The following TF variants were observed in gnomAD, a reference collection of about 807,000 sequenced individuals.
The protein encoded by TF is serotransferrin.
A neutral mutation model predicts 82.4 loss-of-function variants in TF; 55 were observed. The ratio of observed to expected loss-of-function variants is 0.67; its 90% confidence interval spans 0.54 to 0.84. TF has a LOEUF of 0.84. Among genes scored for constraint, TF ranks in the 40% least tolerant of loss-of-function variants. The pLI is 0.00. For missense variants in TF, 737 were observed against 868.4 expected (o/e 0.85, Z 1.90); for synonymous variants, 332 against 332.6 (o/e 1.00, Z 0.02).
chr3:133,737,282 A>T, the TF span, among the ~76,000 whole-genome samples: 1 of 152,226 alleles, frequency 6.6e-6, no homozygotes, highest in East Asian at 1.9e-4. Context: ...ACAAAGACAC[A>T]ATGTACCAGA....
At chr3:133,687,875 A>G in the TF span, among the ~76,000 whole-genome samples, 1 of 152,380 alleles carries the variant, frequency 6.6e-6, no homozygotes, top group African/African-American at 2.4e-5. Flanking sequence ...TATTGTGAAT[A>G]GTGCTGCTGT....
At chr3:133,686,096 G>T in the TF span, among the ~76,000 whole-genome samples, 2 of 152,180 alleles carry the variant, frequency 1.3e-5, no homozygotes, top group South Asian at 4.1e-4. Context: ...AAGAAATGGG[G>T]AAAGGATTCC....
rs1933638841 is a variant in TF, at chr3:133,750,744, GC to G, written c.216+2161del. Among the ~76,000 whole-genome samples, 12 of 152,110 alleles carry G rather than the reference GC, an allele frequency of 7.9e-5. No homozygotes were observed. In the South Asian group the frequency reaches 2.5e-3, roughly 32 times the overall value. On this transcript the variant is annotated intron_variant, in intron 2 of 16. Coordinates refer to ENST00000402696, the MANE Select transcript of TF (RefSeq NM_001063.4). The stretch of plus-strand genomic sequence containing the variant: ...CACTCTCCCAACCCCACTGCAATGG[GC>G]AAAGCTCTCGTTTGTTTGCTTCATT...
the TF span, among the ~76,000 whole-genome samples, chr3:133,722,557 G>A: frequency 2.0e-5 from 3 of 151,266 alleles, no homozygotes; most frequent in Non-Finnish European, 1.5e-5. Context: ...TCTTATTTTT[G>A]TATCTGCTGT....
At chr3:133,754,757 C>T in intron 4 of TF, 86 bp downstream of exon 4, 2 of 1,441,734 alleles carry the variant, frequency 1.4e-6, no homozygotes, top group Non-Finnish European at 2.0e-6. Context: ...TCACCATCAG[C>T]AGACATGTGG....
chr3:133,690,252 A>G, the TF span, among the ~76,000 whole-genome samples: 1 of 152,212 alleles, frequency 6.6e-6, no homozygotes, highest in Non-Finnish European at 1.5e-5. Flanking sequence ...TAAAGTTGTC[A>G]TTTAAACTTA....
rs867051475 is a variant in TF, at chr3:133,778,355, T to C, written c.2063-231T>C. The C allele has an allele frequency of 3.6e-5, 16 of 445,570 alleles. 1 individual carries two copies. The highest frequency in any genetic ancestry group is 1.2e-3 in the Middle Eastern group (2 of 1,622). The allele number at this position is 445,570 out of a possible 1,614,324, so 27.6% of individuals were successfully genotyped here. A position where few individuals can be genotyped will look rare whatever the true frequency, so the allele number is the denominator to read the frequency against. ...CCATAAGAAACAAGGTGGAGGACCC[T>C]GTAGGGCAGGAAAATCATGTTAACA... On this transcript the variant is annotated intron_variant, in intron 16 of 16. Coordinates refer to ENST00000402696, the MANE Select transcript of TF (RefSeq NM_001063.4).
Position 133,789,285 on chromosome 3 carries a change from A to C in TF, c.*10665A>C, listed in dbSNP as rs1934768977. The C allele has an allele frequency of 6.6e-6, 1 of 152,312 alleles. No individual in the cohort carries two copies. Among genetic ancestry groups the C allele is most frequent in the Admixed American group, 6.5e-5 (1 of 15,286 alleles). The allele number at this position is 152,312 out of a possible 1,614,324, so 9.4% of individuals were successfully genotyped here. On this transcript the variant is annotated 3_prime_UTR_variant, in exon 17 of 17. Transcript: ENST00000402696. ...GAATGGGAAAGCGGGATGCAGTTGC[A>C]TGTATCCAGGCTTTGGTGCTGCTGT...
At chr3:133,676,183 G>A in the TF span, among the ~76,000 whole-genome samples, 1 of 152,316 alleles carries the variant, frequency 6.6e-6, no homozygotes, top group East Asian at 1.9e-4. Context: ...AGATCCACCT[G>A]TCACTCACTG....
At chr3:133,673,601 G>A in the TF span, among the ~76,000 whole-genome samples, 34 of 152,308 alleles carry the variant, frequency 2.2e-4, 1 homozygote, top group African/African-American at 6.3e-4. Context: ...GTCAAACACA[G>A]AATTGTACGT....
the TF span, among the ~76,000 whole-genome samples, chr3:133,714,392 T>C: frequency 6.6e-6 from 1 of 152,244 alleles, no homozygotes; most frequent in Admixed American, 6.5e-5. Context: ...GGTATTCCAC[T>C]ACCAGACTAC....
intron 4 of TF, 97 bp from the exon 5 acceptor site, chr3:133,755,266 A>T: frequency 6.4e-7 from 1 of 1,557,436 alleles, no homozygotes; most frequent in Non-Finnish European, 8.8e-7. Context: ...GTTTGGTTTT[A>T]GTCCCCTCTG....
chr3:133,676,574 G>A, the TF span, among the ~76,000 whole-genome samples: 4 of 152,170 alleles, frequency 2.6e-5, no homozygotes, highest in African/African-American at 9.7e-5. Flanking sequence ...GGTGAGGGGT[G>A]AAGGGCAGAG....
the TF span, among the ~76,000 whole-genome samples, chr3:133,740,966 A>T: frequency 6.8e-4 from 47 of 69,108 alleles, no homozygotes; most frequent in Admixed American, 1.3e-3. Flanking sequence ...TGGTGTGTTT[A>T]CCTACCTTGA....
the TF span, among the ~76,000 whole-genome samples, chr3:133,721,510 A>G: frequency 2.6e-5 from 4 of 152,186 alleles, no homozygotes; most frequent in Non-Finnish European, 5.9e-5. Flanking sequence ...CTAATGTGAT[A>G]TATCCTAGAG....
chr3:133,730,087 T>C, the TF span, among the ~76,000 whole-genome samples: 1 of 152,242 alleles, frequency 6.6e-6, no homozygotes, highest in Non-Finnish European at 1.5e-5. Context: ...AATGAGCTTC[T>C]ATCTCAAGTT....
chr3:133,778,507 A>C (rs547565114), intron 16 of TF, 79 bp from the exon 17 acceptor site: 1 of 1,515,062 alleles, frequency 6.6e-7, no homozygotes, highest in African/African-American at 1.4e-5. Flanking sequence ...TACTATGCTG[A>C]AATTGTTCAA....
the TF span, among the ~76,000 whole-genome samples, chr3:133,732,186 T>A: frequency 6.6e-6 from 1 of 152,210 alleles, no homozygotes; most frequent in Non-Finnish European, 1.5e-5. Flanking sequence ...CAGTAATTAC[T>A]AATTTAGATC....
At position 133,755,284 on chromosome 3, in the gene TF, A is replaced by G. The variant is rs1005123703; in HGVS notation, c.503-79A>G. 5.9e-5 allele frequency: 94 copies of G among 1,604,482 alleles called. 1 individual carries two copies. The South Asian group carries it at 1.0e-3, about 17-fold the overall frequency. On this transcript the variant is annotated intron_variant, in intron 4 of 16. Transcript: ENST00000402696. ...TGGTTTTAGTCCCCTCTGTTCCCTG[A>G]TGGGCCTGGGTGGGGTGATGCCATT...
Sources: allele counts gnomAD v4.1 joint callset (sites outside exome capture counted in the v4.1 genomes callset), GRCh38; gene constraint gnomAD v4.1.1; transcripts MANE v1.5; gene names NCBI Gene and HGNC (gene_info 2026-07-23, HGNC 2026-07-21).